Variants in ARHGAP24 observed in about 807,000 individuals in gnomAD.
The protein encoded by ARHGAP24 is Rho GTPase activating protein 24.
A neutral mutation model predicts 76.4 loss-of-function variants in ARHGAP24; 50 were observed. That is an observed-to-expected ratio of 0.65 (90% CI 0.52 to 0.83). The LOEUF is 0.83. Ranked by LOEUF, ARHGAP24 falls within the 40% of genes least tolerant of loss-of-function variation. The pLI is 0.00. For synonymous variants in ARHGAP24, 345 were observed against 323.3 expected (o/e 1.07, Z -0.72); for missense variants, 930 against 914.2 (o/e 1.02, Z -0.22).
At chr4:85,661,804 G>C (rs1042602115) in intron 2 of ARHGAP24, among the ~76,000 whole-genome samples, 2 of 151,960 alleles carry the variant, frequency 1.3e-5, no homozygotes, top group African/African-American at 4.8e-5. Context: ...TACTGAGAAT[G>C]ATGATTTCCA....
At chr4:85,790,199 A>T (rs1170930428) in intron 3 of ARHGAP24, among the ~76,000 whole-genome samples, 2 of 152,164 alleles carry the variant, frequency 1.3e-5, no homozygotes, top group African/African-American at 4.8e-5. Flanking sequence ...GCTTTAAGTC[A>T]TCTAAATGCC....
intron 1 of ARHGAP24, among the ~76,000 whole-genome samples, chr4:85,505,847 A>C (rs1252034726): frequency 6.6e-6 from 1 of 152,000 alleles, no homozygotes; most frequent in African/African-American, 2.4e-5. Flanking sequence ...GTTTCTCCCC[A>C]TCTTTGTGGT....
intron 4 of ARHGAP24, among the ~76,000 whole-genome samples, chr4:85,933,289 A>G (rs1305443837): frequency 6.6e-6 from 1 of 152,112 alleles, no homozygotes; most frequent in African/African-American, 2.4e-5. Context: ...ATATTTTTTT[A>G]CTGTTGTCAA....
chr4:85,732,913 G>A (rs960327615), intron 3 of ARHGAP24, among the ~76,000 whole-genome samples: 3 of 150,488 alleles, frequency 2.0e-5, no homozygotes, highest in Non-Finnish European at 3.0e-5. Flanking sequence ...GATCAGGTTG[G>A]TCTCGAACTC....
chr4:85,867,795 G>C (rs1274093172), intron 3 of ARHGAP24, among the ~76,000 whole-genome samples: 1 of 148,490 alleles, frequency 6.7e-6, no homozygotes, highest in East Asian at 2.0e-4. Context: ...GATTATTTTT[G>C]CCTGATAATT....
rs77251086 is a variant in ARHGAP24, at chr4:85,689,318, G to C, written c.181-32567G>C. Among the ~76,000 whole-genome samples the C allele has an allele frequency of 9.0e-3, 1,374 of 152,182 alleles. 22 individuals are homozygous for C. The highest frequency in any genetic ancestry group is 0.031 in the African/African-American group (1,271 of 41,520). ...CATTTTATTGATGGCTATGTAAATGGGATTGCATTCTTGATTTGATGCTCA... is the reference window on the plus strand; with the variant it reads ...CATTTTATTGATGGCTATGTAAATGCGATTGCATTCTTGATTTGATGCTCA... On this transcript the variant is annotated intron_variant, in intron 2 of 9. Coordinates refer to ENST00000395184, the MANE Select transcript of ARHGAP24 (RefSeq NM_001025616.3).
chr4:85,676,853 T>C (rs1722998162), intron 2 of ARHGAP24, among the ~76,000 whole-genome samples: 1 of 152,192 alleles, frequency 6.6e-6, no homozygotes, highest in African/African-American at 2.4e-5. Flanking sequence ...TGAAGTACAA[T>C]AGCATGGTAA....
At chr4:85,979,746 T>G (rs1295653890) in intron 8 of ARHGAP24, among the ~76,000 whole-genome samples, 1 of 152,366 alleles carries the variant, frequency 6.6e-6, no homozygotes, top group East Asian at 1.9e-4. Context: ...TGCTTGAATC[T>G]TTCCCTTTAC....
intron 4 of ARHGAP24, among the ~76,000 whole-genome samples, chr4:85,934,226 C>A (rs1376981439): frequency 6.6e-6 from 1 of 152,162 alleles, no homozygotes; most frequent in Non-Finnish European, 1.5e-5. Context: ...AGGAGGAAGT[C>A]CTATTTCAAG....
At chr4:85,531,961 C>T (rs1725276556) in intron 1 of ARHGAP24, among the ~76,000 whole-genome samples, 2 of 152,062 alleles carry the variant, frequency 1.3e-5, no homozygotes, top group African/African-American at 2.4e-5. Context: ...ACTTACAGCA[C>T]TCCTCAGGGT....
intron 3 of ARHGAP24, among the ~76,000 whole-genome samples, chr4:85,917,035 T>C (rs1735445343): frequency 6.6e-6 from 1 of 152,100 alleles, no homozygotes; most frequent in African/African-American, 2.4e-5. Flanking sequence ...TAGCAGTAGG[T>C]ATACCTCCTA....
chr4:85,916,262 T>C (rs956080953), intron 3 of ARHGAP24, among the ~76,000 whole-genome samples: 3 of 152,220 alleles, frequency 2.0e-5, no homozygotes. Flanking sequence ...TTGGTGGGGT[T>C]GTTTTTTCTC....
chr4:85,488,626 C>A (rs1252500156), intron 1 of ARHGAP24, among the ~76,000 whole-genome samples: 1 of 152,188 alleles, frequency 6.6e-6, no homozygotes, highest in Non-Finnish European at 1.5e-5. Context: ...GCCTCTTGAA[C>A]TTTGGCAGCT....
At chr4:85,927,375 G>C (rs1284710604) in intron 4 of ARHGAP24, among the ~76,000 whole-genome samples, 1 of 151,968 alleles carries the variant, frequency 6.6e-6, no homozygotes, top group Non-Finnish European at 1.5e-5. Flanking sequence ...AAAGATACAG[G>C]GTTTATTTTT....
chr4:85,515,474 A>G (rs895139898), intron 1 of ARHGAP24, among the ~76,000 whole-genome samples: 16 of 150,612 alleles, frequency 1.1e-4, no homozygotes. Context: ...GGGTTGTGCA[A>G]AATAAACTAG....
chr4:85,697,860 G>T (rs569001266), intron 2 of ARHGAP24, among the ~76,000 whole-genome samples: 2 of 152,244 alleles, frequency 1.3e-5, no homozygotes, highest in African/African-American at 2.4e-5. Flanking sequence ...GGTGAAGGGA[G>T]GTGTCAGAGA....
At chr4:85,731,164 C>CACCACATGCTACA (rs11267875) in intron 3 of ARHGAP24, among the ~76,000 whole-genome samples, 146,217 of 151,988 alleles carry the variant, frequency 0.96, 70,601 homozygotes, top group East Asian at 1. Context: ...CCCACAAAAC[C>CACCACATGCTACA]ACCTTCTTAT....
chr4:85,699,940 T>A (rs1030716690), intron 2 of ARHGAP24, among the ~76,000 whole-genome samples: 6 of 152,158 alleles, frequency 3.9e-5, no homozygotes, highest in African/African-American at 1.2e-4. Context: ...AAGTTATCTA[T>A]AGAAAAATAT....
Position 85,977,655 on chromosome 4 carries a change from C to T in ARHGAP24, c.892C>T (p.Arg298Cys), listed in dbSNP as rs143423680. The T allele has an allele frequency of 5.3e-5, 86 of 1,613,774 alleles. No individual in the cohort carries two copies. The highest frequency in any genetic ancestry group is 6.1e-5 in the Non-Finnish European group (72 of 1,179,770). ...AACGGTCTTTGGTCCTAATATCCTG[C>T]GCCCCAAAGTGGAAGATCCTTTGAC... ...LATVFGPNIL[R>C]PKVEDPLTIM... Residue 298 changes from arginine to cysteine, a missense_variant, in exon 8 of 10, where the codon CGC (arginine) becomes TGC (cysteine). Physicochemically the swap from Arg to Cys is radical, Grantham distance 180 (BLOSUM62 -3). Transcript: ENST00000395184.
Sources: allele counts gnomAD v4.1 joint callset (sites outside exome capture counted in the v4.1 genomes callset), GRCh38; gene constraint gnomAD v4.1.1; transcripts MANE v1.5; gene names NCBI Gene and HGNC (gene_info 2026-07-23, HGNC 2026-07-21).